SH3GL2: variants seen among roughly 807,000 people sequenced by gnomAD.
SH3GL2 encodes the protein SH3 domain containing GRB2 like 2, endophilin A1, also known as endophilin-A1.
A neutral mutation model predicts 46.0 loss-of-function variants in SH3GL2; 24 were observed. The ratio of observed to expected loss-of-function variants is 0.52; its 90% CI spans 0.38 to 0.73. The LOEUF is 0.73. Ranked by LOEUF, SH3GL2 falls within the 30% of genes least tolerant of loss-of-function variation. The pLI, the probability that SH3GL2 is intolerant of heterozygous loss-of-function variation, is 0.00. For missense variants in SH3GL2, 413 were observed against 424.2 expected (o/e 0.97, Z 0.23); for synonymous variants, 196 against 147.1 (o/e 1.33, Z -2.40).
intron 1 of SH3GL2, among the ~76,000 whole-genome samples, chr9:17,723,859 C>T (rs547241445): frequency 1.3e-5 from 2 of 152,028 alleles, no homozygotes; most frequent in African/African-American, 4.8e-5. Context: ...AAGAAGTCAT[C>T]TGTTCATCTT....
intron 1 of SH3GL2, among the ~76,000 whole-genome samples, chr9:17,683,753 A>G (rs2118066087): frequency 6.6e-6 from 1 of 152,168 alleles, no homozygotes; most frequent in East Asian, 2.0e-4. Flanking sequence ...CCTAAGGTAC[A>G]GGCACAAAGG....
chr9:17,669,136 G>T (rs183446439), intron 1 of SH3GL2, among the ~76,000 whole-genome samples: 1 of 152,074 alleles, frequency 6.6e-6, no homozygotes, highest in Non-Finnish European at 1.5e-5. Context: ...AGATTCATAT[G>T]CAGTTGTAAG....
intron 2 of SH3GL2, among the ~76,000 whole-genome samples, chr9:17,747,744 G>C (rs568657593): frequency 1.3e-5 from 2 of 152,126 alleles, no homozygotes; most frequent in Admixed American, 1.3e-4. Flanking sequence ...GCATGATCTT[G>C]GCTCACTGCA....
At chr9:17,724,401 C>T (rs748187712) in intron 1 of SH3GL2, among the ~76,000 whole-genome samples, 2 of 152,092 alleles carry the variant, frequency 1.3e-5, no homozygotes, top group African/African-American at 4.8e-5. Context: ...ACTTTACTTC[C>T]GTAGGCATGG....
At chr9:17,658,018 T>C (rs1201388919) in intron 1 of SH3GL2, among the ~76,000 whole-genome samples, 1 of 152,184 alleles carries the variant, frequency 6.6e-6, no homozygotes, top group Non-Finnish European at 1.5e-5. Flanking sequence ...AGAACTGGAT[T>C]AACTGATCCA....
At chr9:17,776,317 C>G (rs1823640130) in intron 3 of SH3GL2, among the ~76,000 whole-genome samples, 2 of 152,112 alleles carry the variant, frequency 1.3e-5, no homozygotes, top group Admixed American at 6.5e-5. Flanking sequence ...GTTTTTTTCC[C>G]TAGGAAAAGG....
At chr9:17,624,691 C>G (rs1159731348) in intron 1 of SH3GL2, among the ~76,000 whole-genome samples, 1 of 152,146 alleles carries the variant, frequency 6.6e-6, no homozygotes, top group African/African-American at 2.4e-5. Flanking sequence ...TTACTTTTGA[C>G]AAATTTTTCA....
In SH3GL2 at chr9:17,762,360, C is replaced by T. The variant is rs140912351; in HGVS notation, c.187+851C>T. Among the ~76,000 whole-genome samples, 25 of 151,188 alleles carry T rather than the reference C, an allele frequency of 1.7e-4. No homozygotes were observed. In the East Asian group the frequency reaches 2.9e-3, roughly 18 times the overall value. On this transcript the variant is annotated intron_variant, in intron 3 of 8. Coordinates refer to ENST00000380607, the MANE Select transcript of SH3GL2 (RefSeq NM_003026.5). The stretch of plus-strand genomic sequence containing the variant: ...GATGGTGCAGACAACTGCTTCAGCC[C>T]CAATGAGTTTGGATACTGAGCAATA...
At chr9:17,705,746 A>G (rs1049258719) in intron 1 of SH3GL2, among the ~76,000 whole-genome samples, 1 of 152,034 alleles carries the variant, frequency 6.6e-6, no homozygotes, top group African/African-American at 2.4e-5. Flanking sequence ...TGGGAGCTAA[A>G]CATTCAGTAC....
In SH3GL2 at chr9:17,662,449, G is replaced by A. The variant is rs567130688; in HGVS notation, c.45+83162G>A. Among the ~76,000 whole-genome samples the A allele has an allele frequency of 2.6e-5, 4 of 152,184 alleles. No homozygotes were observed. In the East Asian group the frequency reaches 5.8e-4, roughly 22 times the overall value. ...CAGAGTCTGTCATCATTAGCTTTCCGGGGTTTGTAGAAATACTATCATGCC... is the reference window on the plus strand; with the variant it reads ...CAGAGTCTGTCATCATTAGCTTTCCAGGGTTTGTAGAAATACTATCATGCC... On this transcript the variant is annotated intron_variant, in intron 1 of 8. Transcript: ENST00000380607.
intron 3 of SH3GL2, among the ~76,000 whole-genome samples, chr9:17,771,152 T>C (rs577643829): frequency 6.6e-6 from 1 of 152,320 alleles, no homozygotes; most frequent in Admixed American, 6.5e-5. Context: ...CATCAGGCTA[T>C]TTGCCCTGTG....
At chr9:17,728,618 C>G (rs1822086774) in intron 1 of SH3GL2, among the ~76,000 whole-genome samples, 1 of 152,016 alleles carries the variant, frequency 6.6e-6, no homozygotes, top group Non-Finnish European at 1.5e-5. Flanking sequence ...TAATGCTATC[C>G]CTCCCCTTGC....
At chr9:17,591,092 T>G (rs1252116346) in intron 1 of SH3GL2, 1 of 152,216 alleles carries the variant, frequency 6.6e-6, no homozygotes, top group African/African-American at 2.4e-5. Context: ...CTCTTTCAGC[T>G]ACTTTCTGTG....
intron 1 of SH3GL2, among the ~76,000 whole-genome samples, chr9:17,713,190 A>T (rs1304218176): frequency 1.3e-5 from 2 of 151,498 alleles, no homozygotes; most frequent in Non-Finnish European, 3.0e-5. Flanking sequence ...GTGTTAAGCT[A>T]ACTCTATATT....
At chr9:17,673,899 C>G (rs1008632874) in intron 1 of SH3GL2, among the ~76,000 whole-genome samples, 2 of 152,102 alleles carry the variant, frequency 1.3e-5, no homozygotes. Flanking sequence ...TTGACTCTAC[C>G]CTAAGGTCTC....
chr9:17,645,838 C>G (rs954322803), intron 1 of SH3GL2, among the ~76,000 whole-genome samples: 1 of 151,994 alleles, frequency 6.6e-6, no homozygotes, highest in Non-Finnish European at 1.5e-5. Context: ...GTGAATCTGA[C>G]GATTATGTGT....
chr9:17,778,878 T>A (rs1236402627), intron 3 of SH3GL2, among the ~76,000 whole-genome samples: 1 of 152,138 alleles, frequency 6.6e-6, no homozygotes, highest in African/African-American at 2.4e-5. Context: ...GGAGTTGTAT[T>A]CATTAATATT....
intron 1 of SH3GL2, among the ~76,000 whole-genome samples, chr9:17,712,733 C>A (rs1222486460): frequency 6.6e-6 from 1 of 151,766 alleles, no homozygotes; most frequent in African/African-American, 2.4e-5. Context: ...AAATCACATT[C>A]ATCTAAGTTG....
chr9:17,579,325 GGC>G, intron 1 of SH3GL2, 38 bp downstream of exon 1: 1 of 1,471,208 alleles, frequency 6.8e-7, no homozygotes, highest in Non-Finnish European at 9.2e-7. Context: ...GGCAGTCCGG[GGC>G]GAAGCTGCGA....
Sources: gnomAD v4.1 joint callset for allele counts (sites outside exome capture counted in the v4.1 genomes callset) on GRCh38, gnomAD v4.1.1 for gene constraint, MANE v1.5 for transcripts, NCBI Gene and HGNC (gene_info 2026-07-23, HGNC 2026-07-21) for gene names.